The following RARB variants were observed in gnomAD, a reference collection of about 807,000 sequenced individuals.
The protein encoded by RARB is HBV-activated protein.
In RARB, 17 loss-of-function variants were observed where a neutral mutation model predicts 51.9. That is an observed-to-expected ratio of 0.33 (90% CI 0.22 to 0.49). RARB has a LOEUF of 0.49. Ranked by LOEUF, RARB falls within the 20% of genes least tolerant of loss-of-function variation. The pLI is 0.99. For synonymous variants in RARB, 215 were observed against 195.4 expected, an observed-to-expected ratio of 1.10 and a Z score of -0.84; for missense variants, 369 against 550.8, an observed-to-expected ratio of 0.67 and a Z score of 3.30.
At chr3:25,421,072 T>A (rs1258955860) in intron 5 of RARB, among the ~76,000 whole-genome samples, 4 of 151,614 alleles carry the variant, frequency 2.6e-5, no homozygotes, top group Non-Finnish European at 5.9e-5. Flanking sequence ...GGGTGGGGCT[T>A]GCCAATTATT....
intron 5 of RARB, among the ~76,000 whole-genome samples, chr3:25,358,470 A>T (rs1056739261): frequency 6.6e-6 from 1 of 152,088 alleles, no homozygotes; most frequent in African/African-American, 2.4e-5. Context: ...AAAACCCTTT[A>T]TTTCTTTCTC....
intron 2 of RARB, among the ~76,000 whole-genome samples, chr3:25,476,579 C>T (rs1401011692): frequency 1.3e-5 from 2 of 152,082 alleles, no homozygotes; most frequent in Admixed American, 6.5e-5. Context: ...ATGATCATAA[C>T]GTATCTTTCA....
intron 4 of RARB, among the ~76,000 whole-genome samples, chr3:25,164,551 T>G (rs1700530281): frequency 6.6e-6 from 1 of 152,202 alleles, no homozygotes; most frequent in African/African-American, 2.4e-5. Flanking sequence ...TAAATTCAAG[T>G]GAATGAACTT....
rs192519802 is a variant in RARB, at chr3:24,895,381, G to C, written c.-380+36629G>C. 2.6e-3 allele frequency among the ~76,000 whole-genome samples: 398 copies of C among 152,222 alleles called. 3 individuals are homozygous for C. Among genetic ancestry groups the C allele is most frequent in the Non-Finnish European group, 4.4e-3 (301 of 68,020 alleles). On this transcript the variant is annotated intron_variant, in intron 2 of 11. Coordinates refer to the RARB transcript ENST00000383772. ...GTACATCAGAATCACCTGGAAAGTG[G>C]GTTAAAACACAGACTACTTGGTCCT...
intron 2 of RARB, among the ~76,000 whole-genome samples, chr3:24,936,208 A>C (rs1695545182): frequency 6.6e-6 from 1 of 152,156 alleles, no homozygotes; most frequent in Non-Finnish European, 1.5e-5. Flanking sequence ...CGTAGATAGC[A>C]TCATAATTTT....
At chr3:25,045,134 A>T (rs530095289) in intron 2 of RARB, among the ~76,000 whole-genome samples, 1 of 152,314 alleles carries the variant, frequency 6.6e-6, no homozygotes, top group East Asian at 1.9e-4. Flanking sequence ...CTAGGAAATG[A>T]CTGGCCTAAC....
intron 4 of RARB, among the ~76,000 whole-genome samples, chr3:25,154,528 T>C (rs1434095710): frequency 6.6e-6 from 1 of 152,220 alleles, no homozygotes; most frequent in Non-Finnish European, 1.5e-5. Context: ...AAAGCTTTGC[T>C]ACCAATCCAT....
chr3:24,975,310 GT>G (rs1553619270), intron 2 of RARB, among the ~76,000 whole-genome samples: 1 of 151,902 alleles, frequency 6.6e-6, no homozygotes, highest in Non-Finnish European at 1.5e-5. Flanking sequence ...TAACACTACT[GT>G]TTTTTTGGTT....
At chr3:25,264,883 T>C (rs942681313) in intron 5 of RARB, among the ~76,000 whole-genome samples, 1 of 152,218 alleles carries the variant, frequency 6.6e-6, no homozygotes, top group Non-Finnish European at 1.5e-5. Context: ...TTCTTAGTGC[T>C]ATACACTGAA....
chr3:25,077,249 A>G (rs1698888724), intron 3 of RARB, among the ~76,000 whole-genome samples: 1 of 152,216 alleles, frequency 6.6e-6, no homozygotes, highest in African/African-American at 2.4e-5. Flanking sequence ...GAATGTGCAG[A>G]TCTTACATAT....
intron 5 of RARB, among the ~76,000 whole-genome samples, chr3:25,192,099 T>G (rs910092855): frequency 2.0e-5 from 3 of 152,160 alleles, no homozygotes; most frequent in Admixed American, 2.0e-4. Flanking sequence ...TCTTCATCTT[T>G]GGATCTTGTA....
chr3:25,439,202 A>C (rs1179340572), intron 1 of RARB, among the ~76,000 whole-genome samples: 1 of 152,242 alleles, frequency 6.6e-6, no homozygotes, highest in Non-Finnish European at 1.5e-5. Flanking sequence ...AAAAGCAAAA[A>C]AGTAAAAGAC....
At chr3:24,891,369 G>A (rs953481456) in intron 2 of RARB, among the ~76,000 whole-genome samples, 1 of 152,016 alleles carries the variant, frequency 6.6e-6, no homozygotes, top group Non-Finnish European at 1.5e-5. Context: ...AAGAAGCCTC[G>A]GGAAAGTTAC....
intron 2 of RARB, among the ~76,000 whole-genome samples, chr3:25,499,385 T>C (rs1472236876): frequency 6.6e-6 from 1 of 152,144 alleles, no homozygotes; most frequent in Non-Finnish European, 1.5e-5. Context: ...TTAATACTCA[T>C]AGCAATGTGG....
chr3:24,835,014 T>C (rs1702325847), intron 1 of RARB, among the ~76,000 whole-genome samples: 1 of 152,156 alleles, frequency 6.6e-6, no homozygotes, highest in Admixed American at 6.6e-5. Flanking sequence ...CTCTCTTCCC[T>C]TCTTCTGTCC....
chr3:24,876,708 T>G (rs989893838), intron 2 of RARB, among the ~76,000 whole-genome samples: 4 of 152,270 alleles, frequency 2.6e-5, no homozygotes, highest in Admixed American at 6.5e-5. Context: ...CACAATATAT[T>G]AATTGCTGGA....
intron 1 of RARB, among the ~76,000 whole-genome samples, chr3:25,446,980 T>G (rs776480842): frequency 8.6e-5 from 13 of 151,276 alleles, no homozygotes; most frequent in Non-Finnish European, 1.8e-4. Flanking sequence ...TTCTCTAAGC[T>G]TCAGTTTCCT....
intron 3 of RARB, among the ~76,000 whole-genome samples, chr3:25,129,802 T>C (rs911308898): frequency 2.0e-4 from 30 of 152,114 alleles, no homozygotes; most frequent in African/African-American, 7.2e-4. Flanking sequence ...CCATCATTTG[T>C]CATTATTTTG....
intron 5 of RARB, among the ~76,000 whole-genome samples, chr3:25,405,716 C>G (rs992112394): frequency 6.6e-6 from 1 of 152,206 alleles, no homozygotes; most frequent in African/African-American, 2.4e-5. Context: ...TGTTCAGTAG[C>G]TGCATGTGGC....
Sources: gnomAD v4.1 joint callset for allele counts (sites outside exome capture counted in the v4.1 genomes callset) on GRCh38, gnomAD v4.1.1 for gene constraint, MANE v1.5 for transcripts, NCBI Gene and HGNC (gene_info 2026-07-23, HGNC 2026-07-21) for gene names.